Variants in C4orf36 observed in about 807,000 individuals in gnomAD.
C4orf36 encodes chromosome 4 open reading frame 36.
Under a neutral mutation model 12.2 loss-of-function variants are expected in C4orf36, and 11 were observed. The ratio of observed to expected loss-of-function variants is 0.90; its 90% confidence interval spans 0.57 to 1.49. The LOEUF (loss-of-function observed/expected upper bound fraction) is 1.49, where lower values mean the gene tolerates loss of function less well. Ranked by LOEUF, C4orf36 falls within the 40% of genes most tolerant of loss-of-function variation. The pLI, the probability that C4orf36 is intolerant of heterozygous loss-of-function variation, is 0.00. For synonymous variants in C4orf36, 54 were observed against 51.3 expected (o/e 1.05, Z -0.22); for missense variants, 137 against 133.9 (o/e 1.02, Z -0.11).
chr4:86,936,159 T>C, the C4orf36 span: 2 of 152,154 alleles, frequency 1.3e-5, no homozygotes, highest in Non-Finnish European at 2.9e-5. Context: ...TGTCCGAATC[T>C]CCCTTGAACC....
At chr4:86,930,046 G>C in the C4orf36 span, among the ~76,000 whole-genome samples, 1 of 152,260 alleles carries the variant, frequency 6.6e-6, no homozygotes, top group Non-Finnish European at 1.5e-5. Flanking sequence ...ATGAAACAAA[G>C]TATTGAGTGC....
the C4orf36 span, among the ~76,000 whole-genome samples, chr4:86,917,834 C>T: frequency 0.018 from 2,701 of 151,708 alleles, 39 homozygotes; most frequent in Non-Finnish European, 0.029. Flanking sequence ...CAAACCTTTA[C>T]AGCATGTTAC....
chr4:86,882,543 G>C (rs766346199), intron 4 of C4orf36, among the ~76,000 whole-genome samples: 2 of 152,120 alleles, frequency 1.3e-5, no homozygotes, highest in African/African-American at 2.4e-5. Flanking sequence ...CAGCCCTCCT[G>C]ACCTTGATTT....
chr4:86,888,880 CA>C (rs1171442871), intron 2 of C4orf36, among the ~76,000 whole-genome samples: 1 of 152,290 alleles, frequency 6.6e-6, no homozygotes, highest in East Asian at 1.9e-4. Context: ...GGGAAGTGAC[CA>C]TATTACACCA....
chr4:86,895,511 ATTACACT>A (rs1286447905), upstream of C4orf36, among the ~76,000 whole-genome samples: 1 of 152,202 alleles, frequency 6.6e-6, no homozygotes, highest in Non-Finnish European at 1.5e-5. Flanking sequence ...AGTAAAACAC[ATTACACT>A]TTACAGACAT....
the C4orf36 span, among the ~76,000 whole-genome samples, chr4:86,930,993 G>C: frequency 1.3e-5 from 2 of 152,196 alleles, no homozygotes; most frequent in Admixed American, 6.5e-5. Context: ...ACATTTTCTT[G>C]CATAACCTTA....
chr4:86,905,193 T>G, the C4orf36 span, among the ~76,000 whole-genome samples: 2 of 147,586 alleles, frequency 1.4e-5, no homozygotes, highest in African/African-American at 5.0e-5. Context: ...GTCAACATGG[T>G]GAAATTCTGT....
chr4:86,890,179 AAGGGAGGGAGGG>A (rs34643066), intron 2 of C4orf36: 23 of 194,240 alleles, frequency 1.2e-4, no homozygotes, highest in African/African-American at 6.2e-4. Context: ...AGAAGGAAAG[AAGGGAGGGAGGG>A]AGGGAGGGAG....
chr4:86,936,111 T>G, the C4orf36 span: 37 of 152,324 alleles, frequency 2.4e-4, no homozygotes, highest in African/African-American at 8.2e-4. Context: ...GTTATGCAGA[T>G]CATCCCGGGA....
intron 2 of C4orf36, among the ~76,000 whole-genome samples, chr4:86,889,126 GAT>G (rs1369021716): frequency 6.6e-6 from 1 of 152,008 alleles, no homozygotes; most frequent in Non-Finnish European, 1.5e-5. Flanking sequence ...GAGGTGGGTG[GAT>G]CATCTGAGGC....
chr4:86,880,139 C>T (rs1192866905), intron 4 of C4orf36, among the ~76,000 whole-genome samples: 2 of 152,206 alleles, frequency 1.3e-5, no homozygotes, highest in Non-Finnish European at 1.5e-5. Context: ...CAGGTGTGAA[C>T]CACTGAGCCC....
At chr4:86,921,998 C>T in the C4orf36 span, among the ~76,000 whole-genome samples, 1 of 152,302 alleles carries the variant, frequency 6.6e-6, no homozygotes, top group South Asian at 2.1e-4. Flanking sequence ...TTATAACTCA[C>T]ATACAAATAC....
At chr4:86,884,357 T>C (rs1013141177) in intron 4 of C4orf36, among the ~76,000 whole-genome samples, 2 of 146,240 alleles carry the variant, frequency 1.4e-5, no homozygotes, top group African/African-American at 5.1e-5. Flanking sequence ...TTGGCTGGAG[T>C]GCAGTGGCAT....
the C4orf36 span, chr4:86,914,491 C>T: frequency 1.9e-6 from 1 of 525,068 alleles, no homozygotes; most frequent in Non-Finnish European, 3.3e-6. Context: ...ACCTCCACCT[C>T]TTGGGTACCA....
the C4orf36 span, among the ~76,000 whole-genome samples, chr4:86,901,512 G>A: frequency 2.5e-4 from 37 of 150,334 alleles, no homozygotes; most frequent in Non-Finnish European, 4.0e-4. Flanking sequence ...GGTTCACACT[G>A]TTTTCCTGCC....
intron 3 of C4orf36, 43 bp downstream of exon 3, chr4:86,888,078 C>A: frequency 6.3e-7 from 1 of 1,594,092 alleles, no homozygotes; most frequent in Non-Finnish European, 8.6e-7. Context: ...GCAAATGGCA[C>A]ACTGAATTTA....
At chr4:86,932,366 GATTT>G in the C4orf36 span, 2 of 125,386 alleles carry the variant, frequency 1.6e-5, no homozygotes, top group African/African-American at 2.8e-5. Flanking sequence ...AAAAAAAAAA[GATTT>G]ATTTATATAC....
rs935886243 is a variant in C4orf36, at chr4:86,892,096, A to T, written c.-74+87T>A. 3 of 985,048 alleles carry T rather than the reference A, an allele frequency of 3.0e-6. No individual in the cohort carries two copies. The African/African-American group carries it at 5.3e-5, about 17-fold the overall frequency. 61.0% of individuals were successfully genotyped at this position (985,048 alleles called of 1,614,324 possible). On this transcript the variant is annotated intron_variant, in intron 1 of 4. Transcript: ENST00000295898. The stretch of plus-strand genomic sequence containing the variant: ...GGACGGACGCGCAGGGCCCGGGAGG[A>T]ACTGGTTCCCGGGACGGGTGGGGGC...
At chr4:86,915,950 A>G in the C4orf36 span, among the ~76,000 whole-genome samples, 1 of 152,104 alleles carries the variant, frequency 6.6e-6, no homozygotes, top group Non-Finnish European at 1.5e-5. Flanking sequence ...GGAATGAACA[A>G]TTCTCCCCTA....
Sources: gnomAD v4.1 joint callset for allele counts (sites outside exome capture counted in the v4.1 genomes callset) on GRCh38, gnomAD v4.1.1 for gene constraint, MANE v1.5 for transcripts, NCBI Gene and HGNC (gene_info 2026-07-23, HGNC 2026-07-21) for gene names.